FXYD5: variants seen among roughly 807,000 people sequenced by gnomAD.
FXYD5 encodes the protein FXYD domain-containing ion transport regulator 5.
In FXYD5, 21 loss-of-function variants were observed where a neutral mutation model predicts 25.7. The observed-to-expected ratio is 0.82, with a 90% CI of 0.58 to 1.18. FXYD5 has a LOEUF of 1.18. Among genes scored for constraint, FXYD5 ranks in the 50% most tolerant of loss-of-function variants. FXYD5 has a pLI of 0.00. For synonymous variants in FXYD5, 101 were observed against 90.7 expected, an observed-to-expected ratio of 1.11 and a Z score of -0.64; for missense variants, 229 against 227.7, an observed-to-expected ratio of 1.01 and a Z score of -0.04.
chr19:35,164,027 C>A, intron 5 of FXYD5, 129 bp from the exon 6 acceptor site: 2 of 1,541,704 alleles, frequency 1.3e-6, no homozygotes, highest in South Asian at 1.2e-5. Context: ...AGGGGGGATG[C>A]CTGACCCTGC....
At chr19:35,167,787 G>C (rs2065463936) in intron 8 of FXYD5, among the ~76,000 whole-genome samples, 1 of 152,170 alleles carries the variant, frequency 6.6e-6, no homozygotes, top group Admixed American at 6.5e-5. Context: ...TGAGAGTCAA[G>C]CACTGTTGCC....
At chr19:35,158,064 T>C (rs534903036) in intron 3 of FXYD5, among the ~76,000 whole-genome samples, 2 of 152,240 alleles carry the variant, frequency 1.3e-5, no homozygotes, top group African/African-American at 4.8e-5. Context: ...TTAAACATGT[T>C]TTTTTAGGCA....
At chr19:35,161,221 A>AAAACACACACACAC (rs2065401939) in intron 5 of FXYD5, among the ~76,000 whole-genome samples, 2 of 38,204 alleles carry the variant, frequency 5.2e-5, no homozygotes, top group African/African-American at 2.3e-4. Flanking sequence ...ATTCACCTTA[A>AAAACACACACACAC]ACACACACAC....
chr19:35,159,607 A>C (rs773890671), intron 4 of FXYD5: 3 of 1,550,542 alleles, frequency 1.9e-6, no homozygotes, highest in Middle Eastern at 3.3e-4. Context: ...CACCACAATG[A>C]GCAACTTTGT....
intron 4 of FXYD5, chr19:35,159,631 A>T: frequency 6.5e-7 from 1 of 1,549,848 alleles, no homozygotes; most frequent in Non-Finnish European, 8.7e-7. Flanking sequence ...TTCCTCCTTG[A>T]GCAAACGCAC....
At chr19:35,164,026 G>A (rs771283937) in intron 5 of FXYD5, 130 bp from the exon 6 acceptor site, 1 of 1,541,064 alleles carries the variant, frequency 6.5e-7, no homozygotes, top group Admixed American at 2.0e-5. Context: ...TAGGGGGGAT[G>A]CCTGACCCTG....
intron 2 of FXYD5, 82 bp from the exon 3 acceptor site, chr19:35,157,339 G>T (rs952082629): frequency 1.4e-6 from 1 of 733,986 alleles, no homozygotes; most frequent in Non-Finnish European, 2.5e-6. Flanking sequence ...GACCCCTAAG[G>T]TTTCACCAGG....
intron 6 of FXYD5, 90 bp downstream of exon 6, chr19:35,164,335 T>C (rs2065432757): frequency 1.5e-6 from 2 of 1,321,464 alleles, no homozygotes; most frequent in Admixed American, 2.3e-5. Context: ...CACAGAATAG[T>C]TCTCAGTAAA....
At chr19:35,161,686 G>C (rs2065407512) in intron 5 of FXYD5, among the ~76,000 whole-genome samples, 1 of 152,200 alleles carries the variant, frequency 6.6e-6, no homozygotes, top group Admixed American at 6.5e-5. Context: ...GGACAAGTGA[G>C]TTAGTATTAC....
At chr19:35,162,970 T>TC in intron 5 of FXYD5, among the ~76,000 whole-genome samples, 1 of 152,294 alleles carries the variant, frequency 6.6e-6, no homozygotes, top group East Asian at 1.9e-4. Flanking sequence ...GTGTATTCAG[T>TC]CATTTGATGC....
At chr19:35,169,260 A>G (rs1312330687) in intron 8 of FXYD5, among the ~76,000 whole-genome samples, 1 of 152,012 alleles carries the variant, frequency 6.6e-6, no homozygotes, top group African/African-American at 2.4e-5. Flanking sequence ...TAGAAAGACA[A>G]CTCTGCCAGG....
intron 5 of FXYD5, among the ~76,000 whole-genome samples, chr19:35,161,291 G>T (rs1392231830): frequency 8.9e-6 from 1 of 112,442 alleles, no homozygotes; most frequent in Non-Finnish European, 1.8e-5. Flanking sequence ...TCCAGAAGTA[G>T]CCAACTTCAG....
intron 4 of FXYD5, among the ~76,000 whole-genome samples, chr19:35,158,773 T>C (rs1197265267): frequency 6.6e-6 from 1 of 152,210 alleles, no homozygotes; most frequent in Non-Finnish European, 1.5e-5. Flanking sequence ...CTCTTTTTTC[T>C]CTGATCCCTT....
At chr19:35,158,319 G>C in intron 3 of FXYD5, 25 bp from the exon 4 acceptor site, 1 of 1,547,130 alleles carries the variant, frequency 6.5e-7, no homozygotes, top group Non-Finnish European at 8.9e-7. Context: ...TTTTCTCTCC[G>C]TGACTCCTTG....
chr19:35,159,626 CCTT>C, intron 4 of FXYD5: 2 of 1,550,078 alleles, frequency 1.3e-6, no homozygotes, highest in South Asian at 2.4e-5. Context: ...GTCCCTTCCT[CCTT>C]GAGCAAACGC....
intron 4 of FXYD5, among the ~76,000 whole-genome samples, chr19:35,160,493 T>G (rs185025112): frequency 3.1e-3 from 474 of 152,228 alleles, no homozygotes; most frequent in African/African-American, 7.9e-3. Context: ...ATTAGAGGCA[T>G]GAGCGACCAC....
intron 5 of FXYD5, among the ~76,000 whole-genome samples, chr19:35,162,137 G>C (rs1285382095): frequency 6.6e-6 from 1 of 152,176 alleles, no homozygotes; most frequent in Non-Finnish European, 1.5e-5. Context: ...GACCTGAGTT[G>C]CTCTATGTAT....
intron 5 of FXYD5, among the ~76,000 whole-genome samples, chr19:35,163,563 T>G (rs577484214): frequency 6.6e-6 from 1 of 152,124 alleles, no homozygotes; most frequent in African/African-American, 2.4e-5. Flanking sequence ...CTCACTGCAA[T>G]CTCCACCTCC....
chr19:35,159,519 C>A, intron 4 of FXYD5: 1 of 1,550,486 alleles, frequency 6.4e-7, no homozygotes, highest in Non-Finnish European at 8.7e-7. Context: ...CCACAAGGCG[C>A]CTATATCACA....
Sources: allele counts gnomAD v4.1 joint callset (sites outside exome capture counted in the v4.1 genomes callset), GRCh38; gene constraint gnomAD v4.1.1; transcripts MANE v1.5; gene names NCBI Gene and HGNC (gene_info 2026-07-23, HGNC 2026-07-21).